Variants in SPIDR observed in about 807,000 individuals in gnomAD.
SPIDR encodes the protein scaffold protein involved in DNA repair.
Under a neutral mutation model 104.6 loss-of-function variants are expected in SPIDR, and 93 were observed. That is an observed-to-expected ratio of 0.89 (90% confidence interval 0.75 to 1.06). SPIDR has a LOEUF of 1.06. SPIDR is among the 50% of genes least tolerant of loss of function. The pLI is 0.00. For synonymous variants in SPIDR, 431 were observed against 416.9 expected, an observed-to-expected ratio of 1.03 and a Z score of -0.41; for missense variants, 1,154 against 1,111.2, an observed-to-expected ratio of 1.04 and a Z score of -0.55.
intron 8 of SPIDR, among the ~76,000 whole-genome samples, chr8:47,522,104 C>T (rs990532321): frequency 6.7e-6 from 1 of 149,058 alleles, no homozygotes; most frequent in South Asian, 2.1e-4. Context: ...ACAGAGATTG[C>T]AGTGAGCCGA....
intron 11 of SPIDR, among the ~76,000 whole-genome samples, chr8:47,692,541 A>G (rs1444690610): frequency 1.6e-5 from 2 of 124,920 alleles, no homozygotes; most frequent in African/African-American, 6.3e-5. Flanking sequence ...CTTGTTGCCC[A>G]GGCTGGAGTG....
At chr8:47,492,361 G>T (rs141644354) in intron 8 of SPIDR, among the ~76,000 whole-genome samples, 18 of 152,016 alleles carry the variant, frequency 1.2e-4, no homozygotes, top group African/African-American at 4.3e-4. Flanking sequence ...TTTCCTCTAC[G>T]GAGGGGTTGG....
chr8:47,680,831 G>A (rs2077002307), intron 11 of SPIDR, among the ~76,000 whole-genome samples: 1 of 152,206 alleles, frequency 6.6e-6, no homozygotes, highest in Admixed American at 6.5e-5. Flanking sequence ...TGCTGGGCTG[G>A]GCTCAATGGC....
At chr8:47,390,948 C>T (rs2060507576) in intron 5 of SPIDR, among the ~76,000 whole-genome samples, 1 of 152,142 alleles carries the variant, frequency 6.6e-6, no homozygotes, top group Non-Finnish European at 1.5e-5. Context: ...TTGCCTTTGA[C>T]CTATTTCTGA....
At chr8:47,419,342 C>G (rs1554678036) in intron 7 of SPIDR, 2 of 152,138 alleles carry the variant, frequency 1.3e-5, no homozygotes, top group African/African-American at 4.8e-5. Flanking sequence ...CTGGTTTAGT[C>G]TTGGAAGGGT....
chr8:47,433,479 G>T (rs563617952), intron 7 of SPIDR, among the ~76,000 whole-genome samples: 20 of 9,718 alleles, frequency 2.1e-3, no homozygotes, highest in African/African-American at 9.2e-3. Flanking sequence ...GGCTCCAGCC[G>T]ACCACATTTA....
At chr8:47,415,317 A>G (rs72646320) in intron 7 of SPIDR, among the ~76,000 whole-genome samples, 12,485 of 152,188 alleles carry the variant, frequency 0.082, 706 homozygotes, top group Non-Finnish European at 0.12. Flanking sequence ...CGGTAATGAC[A>G]TCTTTTATAA....
At chr8:47,375,295 G>A (rs2058529574) in intron 5 of SPIDR, among the ~76,000 whole-genome samples, 1 of 123,678 alleles carries the variant, frequency 8.1e-6, no homozygotes. Context: ...AGGCTGGAGT[G>A]CAGTGGTTCA....
At chr8:47,644,796 G>A (rs1483551457) in intron 10 of SPIDR, among the ~76,000 whole-genome samples, 3 of 152,176 alleles carry the variant, frequency 2.0e-5, no homozygotes, top group Non-Finnish European at 4.4e-5. Context: ...GGAGCATCAA[G>A]GTCACCTTGG....
At chr8:47,371,829 G>C (rs1334849353) in intron 5 of SPIDR, among the ~76,000 whole-genome samples, 6 of 152,194 alleles carry the variant, frequency 3.9e-5, no homozygotes, top group African/African-American at 1.2e-4. Flanking sequence ...AGGTAAGACA[G>C]AAATCTTCTG....
intron 10 of SPIDR, among the ~76,000 whole-genome samples, chr8:47,670,381 G>T (rs2075633233): frequency 6.6e-6 from 1 of 152,118 alleles, no homozygotes; most frequent in African/African-American, 2.4e-5. Flanking sequence ...AACTAAAAAA[G>T]ACCTCAGACT....
chr8:47,689,582 C>T (rs544365710), intron 11 of SPIDR, among the ~76,000 whole-genome samples: 170 of 152,318 alleles, frequency 1.1e-3, no homozygotes, highest in African/African-American at 4.0e-3. Context: ...TCACATGGCT[C>T]CCAAGCAAAT....
chr8:47,297,467 A>T (rs983503335), intron 5 of SPIDR, among the ~76,000 whole-genome samples: 12 of 150,598 alleles, frequency 8.0e-5, no homozygotes, highest in Admixed American at 1.3e-4. Context: ...ATTTTTTTTT[A>T]TTATTATACT....
At chr8:47,690,289 G>A (rs1408446201) in intron 11 of SPIDR, among the ~76,000 whole-genome samples, 1 of 152,064 alleles carries the variant, frequency 6.6e-6, no homozygotes, top group East Asian at 1.9e-4. Flanking sequence ...GGTGAGGGGT[G>A]CGCGTGCACG....
chr8:47,468,775 T>C (rs1421133188), intron 8 of SPIDR, among the ~76,000 whole-genome samples: 1 of 152,120 alleles, frequency 6.6e-6, no homozygotes, highest in African/African-American at 2.4e-5. Flanking sequence ...ACATAAAATT[T>C]AGGCAAAGAT....
chr8:47,299,560 CCATTCAGTA>C lies in SPIDR; in HGVS notation c.525+5531_525+5539del, dbSNP rs2041620887. On this transcript the variant is annotated intron_variant, in intron 5 of 19. Transcript: ENST00000297423. Reference sequence around the variant, plus strand: ...CAAAGGGAATGCTTCCAGTTTTTGCCCATTCAGTATGATATTGGCTGTGGGTTTGTCATA... The same window carrying C: ...CAAAGGGAATGCTTCCAGTTTTTGCCTGATATTGGCTGTGGGTTTGTCATA... 2.0e-5 allele frequency among the ~76,000 whole-genome samples: 3 copies of C among 152,120 alleles called. No homozygotes were observed. In the South Asian group the frequency reaches 6.2e-4, roughly 32 times the overall value.
At chr8:47,456,068 G>A (rs936088963) in intron 8 of SPIDR, among the ~76,000 whole-genome samples, 2 of 152,124 alleles carry the variant, frequency 1.3e-5, no homozygotes, top group Non-Finnish European at 2.9e-5. Context: ...GCATTACATT[G>A]TCTGGGTTAG....
chr8:47,492,142 G>T (rs2078821152), intron 8 of SPIDR, among the ~76,000 whole-genome samples: 1 of 152,100 alleles, frequency 6.6e-6, no homozygotes, highest in South Asian at 2.1e-4. Flanking sequence ...AAAAAGCTGG[G>T]TGGACATGAT....
chr8:47,356,085 T>C (rs1563725069), intron 5 of SPIDR, among the ~76,000 whole-genome samples: 1 of 152,170 alleles, frequency 6.6e-6, no homozygotes, highest in Non-Finnish European at 1.5e-5. Flanking sequence ...ACACAACACA[T>C]GTGGACAAGT....
Sources: gnomAD v4.1 joint callset for allele counts (sites outside exome capture counted in the v4.1 genomes callset) on GRCh38, gnomAD v4.1.1 for gene constraint, MANE v1.5 for transcripts, NCBI Gene and HGNC (gene_info 2026-07-23, HGNC 2026-07-21) for gene names.